Variants in FHIT observed in about 807,000 individuals in gnomAD.
FHIT encodes the protein fragile histidine triad diadenosine triphosphatase, also known as bis(5'-adenosyl)-triphosphatase.
In FHIT, 19 loss-of-function variants were observed where a neutral mutation model predicts 17.9. The ratio of observed to expected loss-of-function variants is 1.06; its 90% CI spans 0.74 to 1.56. The LOEUF (loss-of-function observed/expected upper bound fraction) is 1.56, where lower values mean the gene tolerates loss of function less well. FHIT is among the 40% of genes most tolerant of loss of function. The probability of loss-of-function intolerance (pLI) is 0.00; values close to 1 mark genes in which losing one functional copy is unlikely to be tolerated. For synonymous variants in FHIT, 81 were observed against 69.7 expected (o/e 1.16, Z -0.81); for missense variants, 248 against 189.2 (o/e 1.31, Z -1.82).
intron 2 of FHIT, among the ~76,000 whole-genome samples, chr3:61,171,173 G>A (rs550819758): frequency 1.3e-5 from 2 of 152,236 alleles, no homozygotes; most frequent in South Asian, 4.1e-4. Context: ...GTATCTCATT[G>A]CGGTGTTGAT....
At chr3:59,778,044 G>T (rs763952550) in intron 8 of FHIT, among the ~76,000 whole-genome samples, 20 of 149,732 alleles carry the variant, frequency 1.3e-4, no homozygotes, top group Non-Finnish European at 2.9e-4. Flanking sequence ...TGAGATGTCT[G>T]TGTGTTTAAT....
At chr3:60,330,143 C>G (rs1187223739) in intron 5 of FHIT, among the ~76,000 whole-genome samples, 4 of 152,172 alleles carry the variant, frequency 2.6e-5, no homozygotes, top group Admixed American at 6.5e-5. Context: ...TGATAATTCA[C>G]TCTGTGTTTT....
At position 60,634,288 on chromosome 3, in the gene FHIT, C is replaced by CA. The variant is rs1199192786; in HGVS notation, c.-17-97310dup. 6.0e-3 allele frequency among the ~76,000 whole-genome samples: 854 copies of CA among 143,482 alleles called. 3 individuals carry two copies. The highest frequency in any genetic ancestry group is 0.016 in the African/African-American group (636 of 40,392). The allele number at this position is 143,482 out of a possible 152,430, so 94.1% of individuals were successfully genotyped here. On this transcript the variant is annotated intron_variant, in intron 4 of 9. Transcript: ENST00000492590. ...AATCTACTCTCACACCACTCTAAAA[C>CA]AACAAAAAAAAAATCTTTTCAAAAG...
At chr3:61,053,111 C>A (rs1559943787) in intron 2 of FHIT, among the ~76,000 whole-genome samples, 1 of 152,170 alleles carries the variant, frequency 6.6e-6, no homozygotes, top group African/African-American at 2.4e-5. Context: ...CCCCGCCTCC[C>A]ATCCACTGCA....
chr3:60,114,594 A>C (rs764817879), intron 5 of FHIT, among the ~76,000 whole-genome samples: 26 of 145,862 alleles, frequency 1.8e-4, no homozygotes, highest in Non-Finnish European at 1.8e-4. Context: ...CCTGGACTCA[A>C]GTCATCCTCC....
intron 4 of FHIT, among the ~76,000 whole-genome samples, chr3:60,588,237 T>G (rs1402566488): frequency 6.6e-6 from 1 of 152,058 alleles, no homozygotes; most frequent in African/African-American, 2.4e-5. Flanking sequence ...TTGATCATAT[T>G]TTCATTTTCT....
intron 8 of FHIT, among the ~76,000 whole-genome samples, chr3:59,854,050 A>C (rs1169869745): frequency 1.3e-5 from 2 of 152,180 alleles, no homozygotes; most frequent in Non-Finnish European, 2.9e-5. Context: ...ACAAACAAAA[A>C]ACAACAACAA....
intron 8 of FHIT, among the ~76,000 whole-genome samples, chr3:59,879,018 A>G (rs912514890): frequency 7.2e-5 from 11 of 151,950 alleles, no homozygotes; most frequent in African/African-American, 2.2e-4. Flanking sequence ...AAAGGAAAAA[A>G]AAAAGAAGAA....
intron 5 of FHIT, among the ~76,000 whole-genome samples, chr3:60,204,279 A>T (rs1659477303): frequency 6.6e-6 from 1 of 151,918 alleles, no homozygotes; most frequent in South Asian, 2.1e-4. Flanking sequence ...TTATTTTATT[A>T]TTTTATTTGA....
At chr3:59,853,153 G>T (rs893186363) in intron 8 of FHIT, among the ~76,000 whole-genome samples, 13 of 152,182 alleles carry the variant, frequency 8.5e-5, no homozygotes, top group Admixed American at 6.5e-4. Flanking sequence ...ATGAATGAGA[G>T]TTCCTGTTGC....
intron 8 of FHIT, among the ~76,000 whole-genome samples, chr3:59,897,218 G>A (rs989263198): frequency 6.6e-6 from 1 of 152,178 alleles, no homozygotes; most frequent in African/African-American, 2.4e-5. Context: ...TATTGCTTCT[G>A]TATCGAGAAA....
chr3:60,676,695 T>C lies in FHIT; in HGVS notation c.-17-139716A>G, dbSNP rs1228627902. Among the ~76,000 whole-genome samples the C allele has an allele frequency of 2.0e-5, 3 of 152,324 alleles. No homozygotes were observed. The South Asian group carries it at 6.2e-4, about 32-fold the overall frequency. ...CTAGGAAGAGGCCTACAGCCTCTCC[T>C]GGAAAATCTTGGGAGACCAAATAGG... On this transcript the variant is annotated intron_variant, in intron 4 of 9. Transcript: ENST00000492590.
rs535110166 is a variant in FHIT, at chr3:60,159,399, G to A, written c.104-145247C>T. ...GTCTCCCAAAGTGCTGGAATTATAG[G>A]TGTGGGCCATAATGCCCAGCCGATG... On this transcript the variant is annotated intron_variant, in intron 5 of 9. Transcript: ENST00000492590. Among the ~76,000 whole-genome samples, 3 of 152,280 alleles carry A rather than the reference G, an allele frequency of 2.0e-5. 1 individual carries two copies. In the East Asian group the frequency reaches 5.8e-4, roughly 29 times the overall value.
At chr3:60,641,757 C>T (rs1482581751) in intron 4 of FHIT, among the ~76,000 whole-genome samples, 1 of 152,000 alleles carries the variant, frequency 6.6e-6, no homozygotes, top group Non-Finnish European at 1.5e-5. Flanking sequence ...AATGGGCAGC[C>T]AAAAACCAGA....
Position 61,096,269 on chromosome 3 carries a change from G to T in FHIT, c.-163-54170C>A, listed in dbSNP as rs76903569. Among the ~76,000 whole-genome samples, 684 of 152,294 alleles carry T rather than the reference G, an allele frequency of 4.5e-3. 6 individuals are homozygous for T. The highest frequency in any genetic ancestry group is 0.016 in the African/African-American group (654 of 41,548). ...AATAATAATGCCTCTACCTTGCAAA[G>T]TGTCTAATTGATTGTGTGACACAGG... On this transcript the variant is annotated intron_variant, in intron 2 of 9. Coordinates refer to ENST00000492590, the MANE Select transcript of FHIT (RefSeq NM_002012.4).
At chr3:60,802,501 C>T (rs1390722184) in intron 4 of FHIT, among the ~76,000 whole-genome samples, 2 of 152,170 alleles carry the variant, frequency 1.3e-5, no homozygotes, top group Non-Finnish European at 2.9e-5. Context: ...TTTAAAGAAA[C>T]TGCAAAATGT....
intron 3 of FHIT, among the ~76,000 whole-genome samples, chr3:60,982,777 T>C (rs1007192721): frequency 3.9e-5 from 6 of 152,258 alleles, no homozygotes; most frequent in Admixed American, 3.9e-4. Context: ...GAGACTTTAA[T>C]CTTTATAAGT....
At chr3:60,139,790 GCT>G (rs1699960073) in intron 5 of FHIT, among the ~76,000 whole-genome samples, 2 of 145,220 alleles carry the variant, frequency 1.4e-5, no homozygotes, top group South Asian at 4.2e-4. Context: ...AGGAGAAAAT[GCT>G]CTCTTTACCT....
rs1016117251 is a variant in FHIT, at chr3:60,686,829, C to G, written c.-18+135090G>C. Among the ~76,000 whole-genome samples the G allele has an allele frequency of 9.9e-5, 15 of 152,268 alleles. No individual in the cohort carries two copies. In the East Asian group the frequency reaches 2.1e-3, roughly 22 times the overall value. Reference sequence around the variant, plus strand: ...AGGAGTTTCAGCCACTCTGTGTGGCCCTACCTGTGGCTTGACCTCAGGATA... The same window carrying G: ...AGGAGTTTCAGCCACTCTGTGTGGCGCTACCTGTGGCTTGACCTCAGGATA... On this transcript the variant is annotated intron_variant, in intron 4 of 9. Transcript: ENST00000492590.
Sources: allele counts gnomAD v4.1 joint callset (sites outside exome capture counted in the v4.1 genomes callset), GRCh38; gene constraint gnomAD v4.1.1; transcripts MANE v1.5; gene names NCBI Gene and HGNC (gene_info 2026-07-23, HGNC 2026-07-21).